TRIM77: variants seen among roughly 807,000 people sequenced by gnomAD.
TRIM77 encodes the protein tripartite motif-containing protein 77.
TRIM77 carries 23 observed loss-of-function variants against 31.8 expected under a neutral mutation model. The ratio of observed to expected loss-of-function variants is 0.72; its 90% confidence interval spans 0.52 to 1.02. The LOEUF (loss-of-function observed/expected upper bound fraction) is 1.02, where lower values mean the gene tolerates loss of function less well. Among genes scored for constraint, TRIM77 ranks in the 50% least tolerant of loss-of-function variants. The pLI, the probability that TRIM77 is intolerant of heterozygous loss-of-function variation, is 0.00. For synonymous variants in TRIM77, 159 were observed against 183.1 expected, an observed-to-expected ratio of 0.87 and a Z score of 1.06; for missense variants, 446 against 539.2, an observed-to-expected ratio of 0.83 and a Z score of 1.71.
chr11:89,715,220 A>C, intron 4 of TRIM77, 40 bp downstream of exon 4: 1 of 1,540,726 alleles, frequency 6.5e-7, no homozygotes, highest in East Asian at 2.5e-5. Context: ...TAATTGTGAC[A>C]ATAATCAGGC....
chr11:89,715,445 T>C (rs1274404243), intron 4 of TRIM77, among the ~76,000 whole-genome samples: 1 of 152,158 alleles, frequency 6.6e-6, no homozygotes, highest in Non-Finnish European at 1.5e-5. Flanking sequence ...ATTTGAAGGT[T>C]ATTCCAGGTT....
chr11:89,717,140 A>G (rs150827135), intron 5 of TRIM77, among the ~76,000 whole-genome samples: 338 of 152,296 alleles, frequency 2.2e-3, no homozygotes, highest in Middle Eastern at 6.8e-3. Flanking sequence ...GGACCCAGTT[A>G]GTACTGACTC....
intron 5 of TRIM77, among the ~76,000 whole-genome samples, chr11:89,716,861 C>T (rs148795821): frequency 1.5e-3 from 221 of 151,616 alleles, no homozygotes; most frequent in East Asian, 6.4e-3. Context: ...TTTTATTTTG[C>T]GAAAATTGGT....
At chr11:89,716,882 G>T (rs867960665) in intron 5 of TRIM77, among the ~76,000 whole-genome samples, 2 of 151,936 alleles carry the variant, frequency 1.3e-5, no homozygotes, top group African/African-American at 4.8e-5. Context: ...TAATAAGGAG[G>T]CTTAAATAAA....
At chr11:89,716,248 G>A (rs1245902591) in intron 5 of TRIM77, among the ~76,000 whole-genome samples, 1 of 151,748 alleles carries the variant, frequency 6.6e-6, no homozygotes, top group African/African-American at 2.4e-5. Context: ...ACTCAAAAAA[G>A]ACCTGGAGGA....
At chr11:89,714,931 A>T (rs147618876) in intron 3 of TRIM77, among the ~76,000 whole-genome samples, 1 of 152,184 alleles carries the variant, frequency 6.6e-6, no homozygotes, top group Non-Finnish European at 1.5e-5. Flanking sequence ...ACCTCAGTCC[A>T]TCTGACTATG....
rs1343082445 is a variant in TRIM77, at chr11:89,710,325, T to C, written c.27T>C (p.Ser9=). 3.9e-6 allele frequency: 6 copies of C among 1,539,792 alleles called. No homozygotes were observed. The South Asian group carries it at 7.2e-5, about 18-fold the overall frequency. The stretch of plus-strand genomic sequence containing the variant: ...TGGCTTCTGCTATCACGCAGTGTTC[T>C]ACCAGTGAGCTCACCTGCTCGATCT... MASAITQC[S]TSELTCSICT... Residue 9 remains serine (S), a synonymous_variant, in exon 1 of 6, where the codon TCT becomes TCC. Coordinates refer to ENST00000398290, the MANE Select transcript of TRIM77 (RefSeq NM_001146162.1).
intron 2 of TRIM77, among the ~76,000 whole-genome samples, chr11:89,713,563 G>GA (rs1324809679): frequency 3.3e-5 from 5 of 151,372 alleles, no homozygotes; most frequent in Non-Finnish European, 7.4e-5. Flanking sequence ...GACAGAGACA[G>GA]AAAATCAAAG....
chr11:89,717,346 T>G, intron 5 of TRIM77, 33 bp from the exon 6 acceptor site: 1 of 1,496,688 alleles, frequency 6.7e-7, no homozygotes, highest in Non-Finnish European at 8.9e-7. Context: ...TTTTAAACTG[T>G]TTTTTTGCAT....
chr11:89,716,018 A>T (rs1211986433), intron 5 of TRIM77, 31 bp downstream of exon 5: 1 of 1,391,742 alleles, frequency 7.2e-7, no homozygotes, highest in East Asian at 2.5e-5. Context: ...AATGTTTCCA[A>T]CGTAAGTATT....
Position 89,717,723 on chromosome 11 carries a change from A to G in TRIM77, c.1204A>G (p.Arg402Gly), listed in dbSNP as rs1177388772. 2.6e-6 allele frequency: 4 copies of G among 1,551,254 alleles called. No individual in the cohort carries two copies. Among genetic ancestry groups the G allele is most frequent in the Non-Finnish European group, 3.5e-6 (4 of 1,146,706 alleles). Residue 402 changes from arginine to glycine, a missense_variant, in exon 6 of 6, where the codon AGG (arginine) becomes GGG (glycine). By Grantham distance (125) the Arg-to-Gly change is moderately radical. Coordinates refer to ENST00000398290, the MANE Select transcript of TRIM77 (RefSeq NM_001146162.1). Reference protein sequence around the residue: ...TSPLLPHYIPRPQGWLGVFLD... With the variant: ...TSPLLPHYIPGPQGWLGVFLD... ...CCCACTGTTACCTCACTATATTCCA[A>G]GGCCCCAAGGCTGGCTAGGGGTGTT... is the stretch of plus-strand genomic sequence containing the variant.
Position 89,717,385 on chromosome 11 carries a change from T to C in TRIM77, c.866T>C (p.Ile289Thr), listed in dbSNP as rs1949168813. The C allele has an allele frequency of 7.8e-6, 12 of 1,547,410 alleles. No individual in the cohort carries two copies. The highest frequency in any genetic ancestry group is 1.0e-5 in the Non-Finnish European group (12 of 1,144,792). Reference sequence around the variant, plus strand: ...CTGTTTTCTTTTGCCATAGTGTATATCACCTTGGATCGTAAGATATGCAGT... The same window carrying C: ...CTGTTTTCTTTTGCCATAGTGTATACCACCTTGGATCGTAAGATATGCAGT... ...SERLNFFRVY[I>T]TLDRKICSNH... The change falls in exon 6 of 6, where the codon ATC becomes ACC. Residue 289 changes from isoleucine (I) to threonine (T), a missense_variant. Transcript: ENST00000398290.
intron 4 of TRIM77, 90 bp from the exon 5 acceptor site, chr11:89,715,800 A>C (rs1949156771): frequency 1.3e-6 from 1 of 781,488 alleles, no homozygotes; most frequent in African/African-American, 1.7e-5. Context: ...CTTCAACCTA[A>C]TTGTGAGGAT....
At position 89,715,882 on chromosome 11, in the gene TRIM77, C is replaced by A; in HGVS notation, c.762-8C>A. 6.6e-7 allele frequency: 1 copy of A among 1,518,962 alleles called. No homozygotes were observed. Among genetic ancestry groups the A allele is most frequent in the Non-Finnish European group, 8.9e-7 (1 of 1,123,590 alleles). The allele number at this position is 1,518,962 out of a possible 1,614,324, so 94.1% of individuals were successfully genotyped here. A position where few individuals can be genotyped will look rare whatever the true frequency, so the allele number is the denominator to read the frequency against. On this transcript the variant is annotated splice_region_variant and splice_polypyrimidine_tract_variant and intron_variant, in intron 4 of 5. Transcript: ENST00000398290. ...CTGGTAATTAAAAGTAGGTATTTTTCTTTGCAGGAATGAGTTTCTGAGGCT... is the reference window on the plus strand; with the variant it reads ...CTGGTAATTAAAAGTAGGTATTTTTATTTGCAGGAATGAGTTTCTGAGGCT...
chr11:89,714,352 G>A lies in TRIM77; in HGVS notation c.668G>A (p.Gly223Asp), dbSNP rs990423546. 1.3e-6 allele frequency: 2 copies of A among 1,551,688 alleles called. No individual in the cohort carries two copies. Among genetic ancestry groups the A allele is most frequent in the South Asian group, 1.2e-5 (1 of 84,056 alleles). ...KRSQTRMAKMGILLREMYEKL... is the reference protein window; with the variant it reads ...KRSQTRMAKMDILLREMYEKL... The stretch of plus-strand genomic sequence containing the variant: ...AGTCAAACTAGAATGGCTAAGATGG[G>A]TATACTCCTGAGAGAAATGTATGAG... Residue 223 changes from glycine to aspartate, a missense_variant, in exon 3 of 6, where the codon GGT becomes GAT. By Grantham distance (94) the Gly-to-Asp change is moderately conservative. Coordinates refer to ENST00000398290, the MANE Select transcript of TRIM77 (RefSeq NM_001146162.1).
intron 5 of TRIM77, among the ~76,000 whole-genome samples, chr11:89,716,875 TAAG>T (rs1240759925): frequency 1.3e-5 from 2 of 152,106 alleles, no homozygotes; most frequent in Admixed American, 1.3e-4. Context: ...AATTGGTTAA[TAAG>T]GAGGCTTAAA....
At chr11:89,715,213 T>C in intron 4 of TRIM77, 33 bp downstream of exon 4, 1 of 1,547,118 alleles carries the variant, frequency 6.5e-7, no homozygotes, top group South Asian at 1.2e-5. Flanking sequence ...GTCCTGGTAA[T>C]TGTGACAATA....
chr11:89,711,276 T>C (rs896499745), intron 1 of TRIM77, 134 bp from the exon 2 acceptor site: 9 of 493,360 alleles, frequency 1.8e-5, no homozygotes, highest in Non-Finnish European at 2.5e-5. Context: ...TGACAATCAG[T>C]GCCCTTAAGA....
At position 89,710,455 on chromosome 11, in the gene TRIM77, C is replaced by T; in HGVS notation, c.157C>T (p.Pro53Ser). ...WEDTLTPNCCPVCREISQQMY... is the reference protein window; with the variant it reads ...WEDTLTPNCCSVCREISQQMY... ...AGATACACTAACTCCTAATTGCTGC[C>T]CTGTGTGCAGGGAAATATCACAGCA... The change falls in exon 1 of 6, where the codon CCT becomes TCT. Residue 53 changes from proline (P) to serine (S), a missense_variant. Around this residue, in one of 3 missense-constraint regions of TRIM77, gnomAD observed 72 missense variants for 64.7 expected, o/e 1.11. Transcript: ENST00000398290. 3.2e-6 allele frequency: 5 copies of T among 1,551,680 alleles called. No homozygotes were observed. The highest frequency in any genetic ancestry group is 4.4e-6 in the Non-Finnish European group (5 of 1,146,948).
Sources: gnomAD v4.1 joint callset for allele counts (sites outside exome capture counted in the v4.1 genomes callset) on GRCh38, gnomAD v4.1.1 for gene constraint, gnomAD v4.1.1 regional missense constraint, MANE v1.5 for transcripts, NCBI Gene and HGNC (gene_info 2026-07-23, HGNC 2026-07-21) for gene names.